The following GATA4 variants were observed in gnomAD, a reference collection of about 807,000 sequenced individuals.
GATA4 encodes transcription factor GATA-4.
A neutral mutation model predicts 37.9 loss-of-function variants in GATA4; 7 were observed. The observed-to-expected ratio is 0.18, with a 90% confidence interval of 0.11 to 0.35. The LOEUF is 0.35. Among genes scored for constraint, GATA4 ranks in the 10% least tolerant of loss-of-function variants. The probability of loss-of-function intolerance (pLI) is 1.00; values close to 1 mark genes in which losing one functional copy is unlikely to be tolerated. For missense variants in GATA4, 647 were observed against 653.0 expected (o/e 0.99, Z 0.10); for synonymous variants, 372 against 292.6 (o/e 1.27, Z -2.77).
In GATA4 at chr8:11,708,629, C is replaced by G; in HGVS notation, c.317C>G (p.Pro106Arg). 2 of 1,338,530 alleles carry G rather than the reference C, an allele frequency of 1.5e-6. No individual in the cohort carries two copies. Among genetic ancestry groups the G allele is most frequent in the Middle Eastern group, 2.8e-4 (1 of 3,628 alleles). 82.9% of individuals were successfully genotyped at this position (1,338,530 alleles called of 1,614,324 possible). The stretch of plus-strand genomic sequence containing the variant: ...GCTTACACCCCGCCGCCGGTGTCGC[C>G]GCGCTTCTCCTTCCCGGGGACCACC... Reference protein sequence around the residue: ...GAAYTPPPVSPRFSFPGTTGS... With the variant: ...GAAYTPPPVSRRFSFPGTTGS... The change falls in exon 2 of 7, where the codon CCG (proline) becomes CGG (arginine). Residue 106 changes from proline (P) to arginine (R), a missense_variant. Around this residue, in one of 5 missense-constraint regions of GATA4, gnomAD observed 379 missense variants for 334.5 expected, o/e 1.13. Transcript: ENST00000532059. This position sits in a 1 kb window ranked among gnomAD's most constrained non-coding sequence, Gnocchi z 6.7.
At chr8:11,738,906 C>G (rs1801587478) in intron 2 of GATA4, among the ~76,000 whole-genome samples, 2 of 152,182 alleles carry the variant, frequency 1.3e-5, no homozygotes, top group South Asian at 4.1e-4. Context: ...ACTTTGTCCA[C>G]AGCGTGACTG....
chr8:11,710,581 T>C (rs1447700835), intron 2 of GATA4, among the ~76,000 whole-genome samples: 2 of 145,214 alleles, frequency 1.4e-5, no homozygotes, highest in Non-Finnish European at 3.0e-5. Flanking sequence ...TCTCAGCTAC[T>C]GGGGAAGCTG....
At chr8:11,715,468 G>A (rs544977755) in intron 2 of GATA4, among the ~76,000 whole-genome samples, 12 of 152,258 alleles carry the variant, frequency 7.9e-5, no homozygotes, top group South Asian at 2.1e-4. Context: ...CAAATCATCG[G>A]CTGGGTGCAG....
At chr8:11,737,448 C>T (rs984255732) in intron 2 of GATA4, among the ~76,000 whole-genome samples, 1 of 152,234 alleles carries the variant, frequency 6.6e-6, no homozygotes, top group Non-Finnish European at 1.5e-5. Context: ...ATTCCCTTTC[C>T]GTCCTGCCAG....
intron 2 of GATA4, among the ~76,000 whole-genome samples, chr8:11,741,776 A>G (rs1352410468): frequency 1.4e-4 from 21 of 152,220 alleles, no homozygotes; most frequent in Non-Finnish European, 1.5e-5. Context: ...GATGTTGGGA[A>G]GTTTCTGAGA....
At chr8:11,705,361 A>G (rs1409155025) in intron 1 of GATA4, among the ~76,000 whole-genome samples, 2 of 152,088 alleles carry the variant, frequency 1.3e-5, no homozygotes, top group Non-Finnish European at 2.9e-5. Flanking sequence ...CTAGCGTGCG[A>G]CCGTCCTCCT....
intron 5 of GATA4, chr8:11,756,652 G>A (rs1802583121): frequency 1.9e-6 from 1 of 515,296 alleles, no homozygotes; most frequent in African/African-American, 1.9e-5. Context: ...CACAGTATTT[G>A]GATTTTTAAA....
intron 2 of GATA4, among the ~76,000 whole-genome samples, chr8:11,713,629 C>A (rs1273199412): frequency 6.8e-6 from 1 of 146,676 alleles, no homozygotes; most frequent in Admixed American, 6.8e-5. Flanking sequence ...GTCCAAATTT[C>A]TGAAAAGCAA....
chr8:11,714,886 G>A (rs1040808956), intron 2 of GATA4, among the ~76,000 whole-genome samples: 3 of 152,172 alleles, frequency 2.0e-5, no homozygotes, highest in Non-Finnish European at 4.4e-5. Flanking sequence ...TGACCTTTAT[G>A]GAGAGTCTTA....
intron 5 of GATA4, among the ~76,000 whole-genome samples, chr8:11,755,726 G>C (rs1054107998): frequency 6.6e-6 from 1 of 152,150 alleles, no homozygotes; most frequent in Admixed American, 6.5e-5. Context: ...TCATACAGCT[G>C]TTAATGGGTA....
intron 2 of GATA4, among the ~76,000 whole-genome samples, chr8:11,742,379 GTTTTGT>G (rs1801785450): frequency 1.1e-5 from 1 of 93,096 alleles, no homozygotes; most frequent in Admixed American, 9.5e-5. Flanking sequence ...TGTTTTTGGT[GTTTTGT>G]TTTTTTTTTT....
intron 1 of GATA4, among the ~76,000 whole-genome samples, chr8:11,693,683 C>T: frequency 6.6e-6 from 1 of 151,878 alleles, no homozygotes. Flanking sequence ...GAGGCCACAC[C>T]AGGAGGAGGT....
In GATA4 at chr8:11,758,489, C is replaced by G. The variant is rs1802722253; in HGVS notation, c.*14C>G. The G allele has an allele frequency of 6.2e-6, 10 of 1,613,920 alleles. No individual in the cohort carries two copies. The highest frequency in any genetic ancestry group is 8.5e-6 in the Non-Finnish European group (10 of 1,179,786). ...ATCACTGCGTAATCTTCCCTCTTCCCTCCTCAAATTCCTGCACGGACCTGG... is the reference window on the plus strand; with the variant it reads ...ATCACTGCGTAATCTTCCCTCTTCCGTCCTCAAATTCCTGCACGGACCTGG... On this transcript the variant is annotated 3_prime_UTR_variant, in exon 7 of 7. Coordinates refer to ENST00000532059, the MANE Select transcript of GATA4 (RefSeq NM_001308093.3).
chr8:11,739,188 C>T (rs1462261618), intron 2 of GATA4, among the ~76,000 whole-genome samples: 3 of 152,302 alleles, frequency 2.0e-5, no homozygotes, highest in African/African-American at 7.2e-5. Flanking sequence ...TAATTAACTG[C>T]ATATTTAACT....
At position 11,743,892 on chromosome 8, in the gene GATA4, A is replaced by C. The variant is rs191896529; in HGVS notation, c.617-5024A>C. 8.1e-4 allele frequency among the ~76,000 whole-genome samples: 124 copies of C among 152,344 alleles called. 1 individual carries two copies. The highest frequency in any genetic ancestry group is 7.3e-5 in the Non-Finnish European group (5 of 68,032). On this transcript the variant is annotated intron_variant, in intron 2 of 6. Coordinates refer to ENST00000532059, the MANE Select transcript of GATA4 (RefSeq NM_001308093.3). ...CAGACTTTGTTTCCTCTTTAAAAAA[A>C]ACTTTTTTTAGCAAGGTATGGGAGG...
At chr8:11,706,007 A>T in intron 1 of GATA4, 1 of 152,230 alleles carries the variant, frequency 6.6e-6, no homozygotes, top group Non-Finnish European at 1.5e-5. Context: ...TTGATTTTAA[A>T]AGTCAAATAC....
In GATA4 at chr8:11,757,089, C is replaced by T. The variant is rs572050627; in HGVS notation, c.1149+6C>T. The T allele has an allele frequency of 1.6e-5, 26 of 1,613,412 alleles. No individual in the cohort carries two copies. The highest frequency in any genetic ancestry group is 8.0e-5 in the African/African-American group (6 of 75,040). On this transcript the variant is annotated splice_donor_region_variant and intron_variant, in intron 6 of 6. Coordinates refer to ENST00000532059, the MANE Select transcript of GATA4 (RefSeq NM_001308093.3). ...ACAGCAGCTCCGTGTCCCAGGTACG[C>T]GCCATGGCTGGGGCGCCAGGGCTGT...
upstream of GATA4, among the ~76,000 whole-genome samples, chr8:11,687,698 C>G (rs1799182857): frequency 6.6e-6 from 1 of 152,270 alleles, no homozygotes; most frequent in African/African-American, 2.4e-5. Flanking sequence ...GCTCTAACTA[C>G]CAAGTGCTGC....
chr8:11,721,348 G>A (rs1800668199), intron 2 of GATA4, among the ~76,000 whole-genome samples: 1 of 148,982 alleles, frequency 6.7e-6, no homozygotes, highest in Non-Finnish European at 1.5e-5. Flanking sequence ...GCGCGAGGCA[G>A]GAATGCAAGC....
Sources: allele counts gnomAD v4.1 joint callset (sites outside exome capture counted in the v4.1 genomes callset), GRCh38; gene constraint gnomAD v4.1.1; regional missense constraint gnomAD v4.1.1; non-coding constraint Gnocchi (gnomAD v3.1); transcripts MANE v1.5; gene names NCBI Gene and HGNC (gene_info 2026-07-23, HGNC 2026-07-21).